The following ZFPM1 variants were observed in gnomAD, a reference collection of about 807,000 sequenced individuals.
ZFPM1 encodes the protein zinc finger protein ZFPM1.
A neutral mutation model predicts 46.3 loss-of-function variants in ZFPM1; 28 were observed. The ratio of observed to expected loss-of-function variants is 0.60; its 90% confidence interval spans 0.45 to 0.83. ZFPM1 has a LOEUF of 0.83. Ranked by LOEUF, ZFPM1 falls within the 40% of genes least tolerant of loss-of-function variation. ZFPM1 has a pLI of 0.00. For missense variants in ZFPM1, 1,878 were observed against 1,432.4 expected, an observed-to-expected ratio of 1.31 and a Z score of -5.02; for synonymous variants, 957 against 675.9, an observed-to-expected ratio of 1.42 and a Z score of -6.45.
intron 3 of ZFPM1, among the ~76,000 whole-genome samples, chr16:88,501,925 G>A (rs1910366603): frequency 6.6e-6 from 1 of 152,122 alleles, no homozygotes. Context: ...GAGGCCCAGT[G>A]AGTTCACGTG....
chr16:88,469,966 C>G lies in ZFPM1; in HGVS notation c.41-15973C>G, dbSNP rs1908338341. Among the ~76,000 whole-genome samples the G allele has an allele frequency of 6.6e-6, 1 of 152,144 alleles. No homozygotes were observed. The highest frequency in any genetic ancestry group is 1.5e-5 in the Non-Finnish European group (1 of 68,022). On this transcript the variant is annotated intron_variant, in intron 1 of 9. Coordinates refer to ENST00000319555, the MANE Select transcript of ZFPM1 (RefSeq NM_153813.3). This position sits in a 1 kb window ranked among gnomAD's most constrained non-coding sequence, Gnocchi z 4.3. Reference sequence around the variant, plus strand: ...GCAGAGGGGTCTCCACACATGCAGGCAGCTCTGTCCTCTCCCAGGACAGCT... The same window carrying G: ...GCAGAGGGGTCTCCACACATGCAGGGAGCTCTGTCCTCTCCCAGGACAGCT...
Position 88,535,347 on chromosome 16 carries a change from A to G in ZFPM1, c.*368A>G, listed in dbSNP as rs1171600471. On this transcript the variant is annotated 3_prime_UTR_variant, in exon 10 of 10. Transcript: ENST00000319555. ...CGGAGGCCACAGCACACACTGAACC[A>G]CTGCAGGGCCAGCCGCTCTGGGCCT... 3 of 170,622 alleles carry G rather than the reference A, an allele frequency of 1.8e-5. No individual in the cohort carries two copies. The highest frequency in any genetic ancestry group is 2.5e-5 in the Non-Finnish European group (2 of 80,290). 10.6% of individuals were successfully genotyped at this position (170,622 alleles called of 1,614,324 possible). A position where few individuals can be genotyped will look rare whatever the true frequency, so the allele number is the denominator to read the frequency against.
chr16:88,477,367 C>G (rs769817580), intron 1 of ZFPM1, among the ~76,000 whole-genome samples: 2 of 152,188 alleles, frequency 1.3e-5, no homozygotes, highest in Non-Finnish European at 2.9e-5. Context: ...TGGGTCACCG[C>G]GGTGTGTTTC....
chr16:88,461,679 C>T (rs775789758), intron 1 of ZFPM1, among the ~76,000 whole-genome samples: 3 of 152,164 alleles, frequency 2.0e-5, no homozygotes, highest in Non-Finnish European at 2.9e-5. Context: ...GAGGGTTGGA[C>T]GTTAAGCAGA....
chr16:88,461,817 G>T (rs1907905124), intron 1 of ZFPM1, among the ~76,000 whole-genome samples: 1 of 152,204 alleles, frequency 6.6e-6, no homozygotes, highest in Non-Finnish European at 1.5e-5. Context: ...CTTGCCCGGA[G>T]ATCTGACCCA....
Position 88,453,512 on chromosome 16 carries a change from C to A in ZFPM1, c.-127C>A. The A allele has an allele frequency of 2.9e-6, 1 of 342,904 alleles. No homozygotes were observed. Among genetic ancestry groups the A allele is most frequent in the Non-Finnish European group, 4.0e-6 (1 of 247,882 alleles). 21.2% of individuals were successfully genotyped at this position (342,904 alleles called of 1,614,324 possible). ...GGGCGCGCGGGCTGGGGGCGCGGGC[C>A]GGGGCGGCCGCGGAGACCGGGGGCC... On this transcript the variant is annotated 5_prime_UTR_variant, in exon 1 of 10. Transcript: ENST00000319555.
At chr16:88,477,856 A>G (rs533562808) in intron 1 of ZFPM1, among the ~76,000 whole-genome samples, 2 of 152,354 alleles carry the variant, frequency 1.3e-5, no homozygotes, top group East Asian at 1.9e-4. Context: ...GCCTGGGGAC[A>G]TTCAGTTCAG....
rs1241443286 is a variant in ZFPM1, at chr16:88,536,544, A to G, written c.*1565A>G. ...CCAGCAGCCCTGGTGAGTGCAGGCA[A>G]AGAAGGCAGCGGCCTCTTGCCTCAG... On this transcript the variant is annotated 3_prime_UTR_variant, in exon 10 of 10. Coordinates refer to ENST00000319555, the MANE Select transcript of ZFPM1 (RefSeq NM_153813.3). 1 of 152,188 alleles carries G rather than the reference A, an allele frequency of 6.6e-6. No individual in the cohort carries two copies. Among genetic ancestry groups the G allele is most frequent in the Non-Finnish European group, 1.5e-5 (1 of 68,036 alleles). The allele number at this position is 152,188 out of a possible 1,614,324, so 9.4% of individuals were successfully genotyped here. A position where few individuals can be genotyped will look rare whatever the true frequency, so the allele number is the denominator to read the frequency against.
intron 1 of ZFPM1, among the ~76,000 whole-genome samples, chr16:88,458,041 C>G (rs1331528084): frequency 6.6e-6 from 1 of 152,218 alleles, no homozygotes; most frequent in Non-Finnish European, 1.5e-5. Flanking sequence ...TGTGTATTAA[C>G]TTAAAGCAGG....
At chr16:88,526,664 C>A in intron 4 of ZFPM1, 150 bp from the exon 5 acceptor site, 1 of 836,430 alleles carries the variant, frequency 1.2e-6, no homozygotes, top group Non-Finnish European at 1.9e-6. Context: ...CACACCTCTG[C>A]CAGCTCTTGG....
intron 4 of ZFPM1, among the ~76,000 whole-genome samples, chr16:88,523,671 C>G (rs1218518138): frequency 6.6e-6 from 1 of 152,242 alleles, no homozygotes; most frequent in East Asian, 1.9e-4. Flanking sequence ...GCCCTCACCC[C>G]TTCCCAGCCT....
At chr16:88,458,454 A>C (rs1048311007) in intron 1 of ZFPM1, among the ~76,000 whole-genome samples, 1 of 152,158 alleles carries the variant, frequency 6.6e-6, no homozygotes, top group Non-Finnish European at 1.5e-5. Context: ...ATCCAGCACC[A>C]CTGGGGATTT....
At chr16:88,518,523 ATGGATAGATGGATGAG>A (rs1352157749) in intron 4 of ZFPM1, among the ~76,000 whole-genome samples, 3 of 149,768 alleles carry the variant, frequency 2.0e-5, no homozygotes, top group Admixed American at 1.3e-4. Flanking sequence ...AGCTGGGTGG[ATGGATAGATGGATGAG>A]TGGATGGATG....
intron 3 of ZFPM1, among the ~76,000 whole-genome samples, chr16:88,510,727 G>A (rs939231710): frequency 3.9e-5 from 6 of 152,286 alleles, no homozygotes; most frequent in African/African-American, 1.4e-4. Flanking sequence ...TCAGCCACGG[G>A]GCCACCAGCC....
At chr16:88,485,874 G>A in intron 1 of ZFPM1, 65 bp from the exon 2 acceptor site, 1 of 1,500,280 alleles carries the variant, frequency 6.7e-7, no homozygotes, top group Non-Finnish European at 9.2e-7. Flanking sequence ...ATGCCAGGAG[G>A]GGTCAGGAGG....
At chr16:88,508,152 CCGGGTG>C (rs1225019668) in intron 3 of ZFPM1, among the ~76,000 whole-genome samples, 2 of 152,136 alleles carry the variant, frequency 1.3e-5, no homozygotes, top group African/African-American at 4.8e-5. Flanking sequence ...CAAAAATTAA[CCGGGTG>C]CGGTGGCGCG....
intron 4 of ZFPM1, among the ~76,000 whole-genome samples, chr16:88,523,663 C>T (rs1034994839): frequency 1.3e-5 from 2 of 152,350 alleles, no homozygotes; most frequent in African/African-American, 4.8e-5. Context: ...GCAGGGAGGC[C>T]CTCACCCCTT....
intron 4 of ZFPM1, among the ~76,000 whole-genome samples, chr16:88,526,564 C>G (rs914002090): frequency 6.6e-6 from 1 of 152,206 alleles, no homozygotes; most frequent in Non-Finnish European, 1.5e-5. Flanking sequence ...ACCCTGCGCC[C>G]AACCCTGGAA....
At chr16:88,513,685 G>C (rs1242368897) in intron 3 of ZFPM1, among the ~76,000 whole-genome samples, 1 of 152,234 alleles carries the variant, frequency 6.6e-6, no homozygotes, top group East Asian at 1.9e-4. Context: ...AAGTTAGCGT[G>C]ACCTGGGGCT....
Sources: gnomAD v4.1 joint callset for allele counts (sites outside exome capture counted in the v4.1 genomes callset) on GRCh38, gnomAD v4.1.1 for gene constraint, Gnocchi (gnomAD v3.1) non-coding constraint, MANE v1.5 for transcripts, NCBI Gene and HGNC (gene_info 2026-07-23, HGNC 2026-07-21) for gene names.